The following TTC28 variants were observed in gnomAD, a reference collection of about 807,000 sequenced individuals.
The protein encoded by TTC28 is tetratricopeptide repeat protein 28.
In TTC28, 61 loss-of-function variants were observed where a neutral mutation model predicts 198.0. That is an observed-to-expected ratio of 0.31 (90% confidence interval 0.25 to 0.38). TTC28 has a LOEUF of 0.38. TTC28 is among the 10% of genes least tolerant of loss of function. TTC28 has a pLI of 1.00. For missense variants in TTC28, 2,678 were observed against 3,164.0 expected, an observed-to-expected ratio of 0.85 and a Z score of 3.69; for synonymous variants, 1,171 against 1,297.8, an observed-to-expected ratio of 0.90 and a Z score of 2.10.
intron 5 of TTC28, among the ~76,000 whole-genome samples, chr22:28,242,946 G>C (rs1371737662): frequency 6.6e-6 from 1 of 150,802 alleles, no homozygotes; most frequent in Non-Finnish European, 1.5e-5. Flanking sequence ...ACTGGTCTGT[G>C]ACAAGATAGG....
chr22:28,109,220 T>C (rs979915260), intron 6 of TTC28, among the ~76,000 whole-genome samples: 4 of 152,234 alleles, frequency 2.6e-5, no homozygotes, highest in Non-Finnish European at 5.9e-5. Context: ...ACTGGGGGAT[T>C]GTATAAGTAC....
At chr22:28,137,971 C>T (rs974610462) in intron 6 of TTC28, among the ~76,000 whole-genome samples, 5 of 151,934 alleles carry the variant, frequency 3.3e-5, no homozygotes, top group Non-Finnish European at 5.9e-5. Flanking sequence ...GCCGAGATCG[C>T]GCCACTGCAC....
intron 2 of TTC28, among the ~76,000 whole-genome samples, chr22:28,522,349 G>A (rs766606502): frequency 4.6e-5 from 7 of 152,172 alleles, no homozygotes; most frequent in African/African-American, 7.2e-5. Flanking sequence ...TTAGCTGGGC[G>A]TGGTGGCAAG....
chr22:27,986,327 G>A (rs570820283), intron 21 of TTC28: 1 of 152,472 alleles, frequency 6.6e-6, no homozygotes, highest in South Asian at 2.1e-4. Context: ...ATGATTGTAA[G>A]TTTCCTGAGG....
intron 2 of TTC28, among the ~76,000 whole-genome samples, chr22:28,571,959 A>C (rs900460967): frequency 9.9e-5 from 15 of 151,732 alleles, no homozygotes; most frequent in Admixed American, 3.9e-4. Flanking sequence ...CAAAAAAAAA[A>C]AAAAAAAAAC....
chr22:28,417,592 A>AT (rs2047187702), intron 2 of TTC28, among the ~76,000 whole-genome samples: 1 of 152,202 alleles, frequency 6.6e-6, no homozygotes, highest in African/African-American at 2.4e-5. Context: ...CAAGGTTTAG[A>AT]TTTTATCTAC....
At chr22:28,127,343 T>C (rs1295296599) in intron 6 of TTC28, among the ~76,000 whole-genome samples, 2 of 152,180 alleles carry the variant, frequency 1.3e-5, no homozygotes, top group African/African-American at 4.8e-5. Flanking sequence ...ATGATTTCAC[T>C]GGGTGCAGGG....
chr22:28,170,451 T>C (rs1341203666), intron 5 of TTC28, among the ~76,000 whole-genome samples: 1 of 147,284 alleles, frequency 6.8e-6, no homozygotes, highest in Non-Finnish European at 1.5e-5. Flanking sequence ...ATCACACCAC[T>C]GCACTCCAGC....
intron 11 of TTC28, among the ~76,000 whole-genome samples, chr22:28,095,667 A>G (rs1259145384): frequency 6.6e-6 from 1 of 152,196 alleles, no homozygotes; most frequent in Non-Finnish European, 1.5e-5. Flanking sequence ...GATTTAATCA[A>G]AGGAGATTTT....
intron 2 of TTC28, among the ~76,000 whole-genome samples, chr22:28,487,487 C>T (rs953874604): frequency 2.0e-5 from 3 of 151,902 alleles, no homozygotes; most frequent in Non-Finnish European, 4.4e-5. Context: ...TGTTAATGCT[C>T]GTTGACTAGA....
intron 19 of TTC28, among the ~76,000 whole-genome samples, chr22:27,991,300 G>C (rs778342747): frequency 6.6e-6 from 1 of 152,236 alleles, no homozygotes; most frequent in Admixed American, 6.5e-5. Flanking sequence ...CTTGCAAATG[G>C]AGTATAATTT....
intron 5 of TTC28, among the ~76,000 whole-genome samples, chr22:28,236,461 T>G (rs1274767393): frequency 6.6e-6 from 1 of 152,114 alleles, no homozygotes; most frequent in African/African-American, 2.4e-5. Flanking sequence ...TGCCTAGACT[T>G]AAGTCTTTAA....
At chr22:28,409,975 G>A (rs1284632669) in intron 2 of TTC28, among the ~76,000 whole-genome samples, 4 of 151,802 alleles carry the variant, frequency 2.6e-5, no homozygotes, top group East Asian at 1.9e-4. Flanking sequence ...AGGCTGGAGT[G>A]CAGCAGCACG....
chr22:28,395,702 A>G lies in TTC28; in HGVS notation c.382-89059T>C, dbSNP rs554936558. On this transcript the variant is annotated intron_variant, in intron 2 of 22. Transcript: ENST00000397906. ...CTGTGTATTTATATAAACTTTGTGT[A>G]AACAGCCCACACATCCTTGTAGGAC... Among the ~76,000 whole-genome samples the G allele has an allele frequency of 2.6e-5, 4 of 152,012 alleles. No individual in the cohort carries two copies. The East Asian group carries it at 7.7e-4, about 29-fold the overall frequency.
intron 5 of TTC28, among the ~76,000 whole-genome samples, chr22:28,282,308 C>A (rs1251515159): frequency 6.6e-6 from 1 of 152,158 alleles, no homozygotes; most frequent in African/African-American, 2.4e-5. Context: ...ATATAAATAG[C>A]ATATACTATA....
intron 16 of TTC28, among the ~76,000 whole-genome samples, chr22:27,996,661 G>A (rs749417692): frequency 2.0e-5 from 3 of 152,046 alleles, no homozygotes; most frequent in South Asian, 2.1e-4. Flanking sequence ...GGTGGGGAGC[G>A]GCTACTCCTC....
At chr22:28,673,445 T>C (rs924862455) in intron 1 of TTC28, among the ~76,000 whole-genome samples, 2 of 152,184 alleles carry the variant, frequency 1.3e-5, no homozygotes, top group African/African-American at 4.8e-5. Flanking sequence ...CCTTACCTGG[T>C]ACGTACTTGG....
chr22:28,272,453 T>C (rs1932152393), intron 5 of TTC28, among the ~76,000 whole-genome samples: 1 of 152,200 alleles, frequency 6.6e-6, no homozygotes, highest in South Asian at 2.1e-4. Flanking sequence ...TAGGTATCTC[T>C]ATCAGAGCCC....
At chr22:28,133,002 T>C (rs1039113723) in intron 6 of TTC28, among the ~76,000 whole-genome samples, 1 of 152,138 alleles carries the variant, frequency 6.6e-6, no homozygotes, top group Non-Finnish European at 1.5e-5. Context: ...GGTGGGCAGA[T>C]CATTTGAGGT....
Sources: allele counts gnomAD v4.1 joint callset (sites outside exome capture counted in the v4.1 genomes callset), GRCh38; gene constraint gnomAD v4.1.1; transcripts MANE v1.5; gene names NCBI Gene and HGNC (gene_info 2026-07-23, HGNC 2026-07-21).